The following SDK1 variants were observed in gnomAD, a reference collection of about 807,000 sequenced individuals.
The protein encoded by SDK1 is sidekick cell adhesion molecule 1, also known as protein sidekick-1.
In SDK1, 157 loss-of-function variants were observed where a neutral mutation model predicts 245.5. That is an observed-to-expected ratio of 0.64 (90% CI 0.56 to 0.73). The LOEUF (loss-of-function observed/expected upper bound fraction) is 0.73, where lower values mean the gene tolerates loss of function less well. Among genes scored for constraint, SDK1 ranks in the 30% least tolerant of loss-of-function variants. The pLI is 0.00. For missense variants in SDK1, 3,583 were observed against 3,002.3 expected, an observed-to-expected ratio of 1.19 and a Z score of -4.52; for synonymous variants, 1,647 against 1,278.5, an observed-to-expected ratio of 1.29 and a Z score of -6.15.
rs370320915 is a variant in SDK1 at position 4,148,143 on chromosome 7, A to C, written c.4424-1119A>C. 1.6e-3 allele frequency among the ~76,000 whole-genome samples: 242 copies of C among 151,952 alleles called. 11 individuals are homozygous for C. In the South Asian group the frequency reaches 0.035, roughly 22 times the overall value. ...CCTTTGAAACGGGATACGCTGGGCC[A>C]CCTCCCCTCCGGAGACCAGGTGAAA... On this transcript the variant is annotated intron_variant, in intron 29 of 44. Transcript: ENST00000404826.
chr7:3,359,269 C>T lies in SDK1; in HGVS notation c.298+57385C>T, dbSNP rs531381178. On this transcript the variant is annotated intron_variant, in intron 1 of 44. Coordinates refer to ENST00000404826, the MANE Select transcript of SDK1 (RefSeq NM_152744.4). ...TGCAGCACACACAGGGAGCAGAGCC[C>T]GGAGGCTTGAGCCTGATGGCACTTG... Among the ~76,000 whole-genome samples, 8 of 152,242 alleles carry T rather than the reference C, an allele frequency of 5.3e-5. No homozygotes were observed. In the East Asian group the frequency reaches 9.7e-4, roughly 18 times the overall value.
rs115687087 is a variant in SDK1 at position 3,722,733 on chromosome 7, C to T, written c.713+80628C>T. On this transcript the variant is annotated intron_variant, in intron 4 of 44. Coordinates refer to ENST00000404826, the MANE Select transcript of SDK1 (RefSeq NM_152744.4). ...AGTGCCCCACCCCCTGGTGCAGAATCCTCAGATCCGGGGACTCGCGCGGGT... is the reference window on the plus strand; with the variant it reads ...AGTGCCCCACCCCCTGGTGCAGAATTCTCAGATCCGGGGACTCGCGCGGGT... Among the ~76,000 whole-genome samples the T allele has an allele frequency of 3.5e-3, 537 of 152,320 alleles. 4 individuals are homozygous for T. The highest frequency in any genetic ancestry group is 0.011 in the African/African-American group (462 of 41,576).
At chr7:3,873,328 A>G (rs1185456271) in intron 5 of SDK1, among the ~76,000 whole-genome samples, 5 of 152,124 alleles carry the variant, frequency 3.3e-5, no homozygotes, top group African/African-American at 1.2e-4. Context: ...GCTCCTCTGT[A>G]GGCAATATGT....
At chr7:3,939,138 C>G (rs1374277995) in intron 5 of SDK1, among the ~76,000 whole-genome samples, 1 of 152,202 alleles carries the variant, frequency 6.6e-6, no homozygotes, top group Non-Finnish European at 1.5e-5. Flanking sequence ...ACGAGAAGAA[C>G]CTAGTCAGCG....
intron 4 of SDK1, among the ~76,000 whole-genome samples, chr7:3,670,468 A>T (rs1783662990): frequency 6.6e-6 from 1 of 152,214 alleles, no homozygotes; most frequent in South Asian, 2.1e-4. Context: ...CAAAACTTTT[A>T]TTAATGGACA....
chr7:3,359,764 T>C, intron 1 of SDK1, among the ~76,000 whole-genome samples: 1 of 152,098 alleles, frequency 6.6e-6, no homozygotes, highest in East Asian at 1.9e-4. Context: ...TCTTCAGGCA[T>C]TGTGGAACTC....
At chr7:4,261,891 T>G (rs1788037426) in intron 44 of SDK1, among the ~76,000 whole-genome samples, 1 of 151,796 alleles carries the variant, frequency 6.6e-6, no homozygotes, top group African/African-American at 2.4e-5. Context: ...TGGGAAGCTG[T>G]TAGGACGCAC....
At chr7:4,052,117 C>A (rs1177588046) in intron 19 of SDK1, among the ~76,000 whole-genome samples, 1 of 151,816 alleles carries the variant, frequency 6.6e-6, no homozygotes, top group Admixed American at 6.6e-5. Context: ...TCTTGCTGAA[C>A]TTGCTCTTCA....
At chr7:4,199,529 C>T (rs1783769767) in intron 35 of SDK1, among the ~76,000 whole-genome samples, 1 of 152,148 alleles carries the variant, frequency 6.6e-6, no homozygotes. Context: ...ATCTGTAGGA[C>T]AAATATGTTT....
At chr7:3,372,512 C>G (rs568814128) in intron 1 of SDK1, among the ~76,000 whole-genome samples, 1 of 152,312 alleles carries the variant, frequency 6.6e-6, no homozygotes, top group African/African-American at 2.4e-5. Flanking sequence ...CCCTGTGTAA[C>G]TAGGAGGGAG....
intron 4 of SDK1, among the ~76,000 whole-genome samples, chr7:3,707,712 T>G (rs532335968): frequency 2.6e-5 from 4 of 152,204 alleles, no homozygotes; most frequent in African/African-American, 4.8e-5. Flanking sequence ...AGTAAATGTT[T>G]CATGAATCTG....
chr7:3,749,331 G>A (rs948703108), intron 4 of SDK1, among the ~76,000 whole-genome samples: 1 of 151,222 alleles, frequency 6.6e-6, no homozygotes, highest in Admixed American at 6.6e-5. Flanking sequence ...ATGGAGTCTC[G>A]CCCTGTCACC....
chr7:3,435,107 A>G (rs1210478098), intron 1 of SDK1, among the ~76,000 whole-genome samples: 1 of 152,156 alleles, frequency 6.6e-6, no homozygotes, highest in African/African-American at 2.4e-5. Flanking sequence ...TCAGCTTCAA[A>G]TAAATTAAAG....
In SDK1 at chr7:3,521,439, A is replaced by G. The variant is rs57704507; in HGVS notation, c.299-97641A>G. ...TGAGCCTGTTCTCATGTATACAAAC[A>G]TACTCTTTCTATCTGTTTAGCACTA... On this transcript the variant is annotated intron_variant, in intron 1 of 44. Coordinates refer to ENST00000404826, the MANE Select transcript of SDK1 (RefSeq NM_152744.4). Among the ~76,000 whole-genome samples the G allele has an allele frequency of 1.4e-4, 22 of 152,092 alleles. No homozygotes were observed. The East Asian group carries it at 4.3e-3, about 29-fold the overall frequency.
At chr7:3,610,690 A>G (rs1305660152) in intron 1 of SDK1, among the ~76,000 whole-genome samples, 1 of 152,244 alleles carries the variant, frequency 6.6e-6, no homozygotes, top group Non-Finnish European at 1.5e-5. Flanking sequence ...TTAGGGGAAA[A>G]TATTGGAAGG....
At chr7:3,940,869 A>G (rs1437170446) in intron 5 of SDK1, among the ~76,000 whole-genome samples, 1 of 152,048 alleles carries the variant, frequency 6.6e-6, no homozygotes, top group African/African-American at 2.4e-5. Flanking sequence ...GCTTCTCTGC[A>G]GGCCATCTCC....
chr7:3,670,505 C>T (rs971091573), intron 4 of SDK1, among the ~76,000 whole-genome samples: 10 of 152,084 alleles, frequency 6.6e-5, no homozygotes, highest in African/African-American at 2.2e-4. Context: ...CATCAGTGTT[C>T]TCATCTCTGA....
intron 13 of SDK1, among the ~76,000 whole-genome samples, chr7:3,985,671 C>CT (rs1450901388): frequency 6.6e-6 from 1 of 152,130 alleles, no homozygotes; most frequent in Non-Finnish European, 1.5e-5. Flanking sequence ...TGATTCAAAA[C>CT]TTAATTCACA....
At chr7:4,250,366 T>A (rs536994989) in intron 44 of SDK1, among the ~76,000 whole-genome samples, 49 of 152,058 alleles carry the variant, frequency 3.2e-4, no homozygotes, top group East Asian at 1.2e-3. Flanking sequence ...TTTTTTTAGA[T>A]GGAGTTTTGC....
Sources: allele counts gnomAD v4.1 joint callset (sites outside exome capture counted in the v4.1 genomes callset), GRCh38; gene constraint gnomAD v4.1.1; transcripts MANE v1.5; gene names NCBI Gene and HGNC (gene_info 2026-07-23, HGNC 2026-07-21).